The following CXCR2 variants were observed in gnomAD, a reference collection of about 807,000 sequenced individuals.
The protein encoded by CXCR2 is C-X-C motif chemokine receptor 2.
Under a neutral mutation model 3.7 loss-of-function variants are expected in CXCR2, and 2 were observed. That is an observed-to-expected ratio of 0.55 (90% CI 0.22 to 1.72). The LOEUF (loss-of-function observed/expected upper bound fraction) is 1.72, where lower values mean the gene tolerates loss of function less well. Ranked by LOEUF, CXCR2 falls within the 40% of genes most tolerant of loss-of-function variation. CXCR2 has a pLI of 0.19. For synonymous variants in CXCR2, 203 were observed against 193.3 expected, an observed-to-expected ratio of 1.05 and a Z score of -0.41; for missense variants, 351 against 450.1, an observed-to-expected ratio of 0.78 and a Z score of 1.99.
chr2:218,126,625 C>T (rs563740271), intron 1 of CXCR2, among the ~76,000 whole-genome samples: 2 of 152,264 alleles, frequency 1.3e-5, no homozygotes, highest in African/African-American at 4.8e-5. Flanking sequence ...CTGCGGATCT[C>T]AATTTTTATT....
intron 2 of CXCR2, among the ~76,000 whole-genome samples, chr2:218,134,357 T>C (rs983132798): frequency 1.3e-5 from 2 of 151,316 alleles, no homozygotes; most frequent in Admixed American, 1.3e-4. Context: ...ACATAACAAG[T>C]CCCCATCTCT....
In CXCR2 at chr2:218,135,210, C is replaced by T. The variant is rs369839517; in HGVS notation, c.409C>T (p.Leu137=). The change falls in exon 3 of 3, where the codon CTG becomes TTG. Residue 137 remains leucine (L), a synonymous_variant. Coordinates refer to ENST00000318507, the MANE Select transcript of CXCR2 (RefSeq NM_001557.4). This position sits in a 1 kb window ranked among gnomAD's most constrained non-coding sequence, Gnocchi z 4.0. The part of the protein sequence containing the change: ...EVNFYSGILL[L]ACISVDRYLA... ...CAACTTCTATAGTGGCATCCTGCTACTGGCCTGCATCAGTGTGGACCGTTA... is the reference window on the plus strand; with the variant it reads ...CAACTTCTATAGTGGCATCCTGCTATTGGCCTGCATCAGTGTGGACCGTTA... 9 of 1,614,238 alleles carry T rather than the reference C, an allele frequency of 5.6e-6. No individual in the cohort carries two copies. Among genetic ancestry groups the T allele is most frequent in the Non-Finnish European group, 5.1e-6 (6 of 1,180,044 alleles).
At position 218,136,045 on chromosome 2, in the gene CXCR2, A is replaced by T. The variant is rs1690795949; in HGVS notation, c.*161A>T. ...CCACGTTCTTACTAGTTTCCCTTGC[A>T]TGGTTTAGAAAGCTTGCCCTGGTGC... On this transcript the variant is annotated 3_prime_UTR_variant, in exon 3 of 3. Transcript: ENST00000318507. 6.2e-6 allele frequency: 6 copies of T among 971,756 alleles called. No individual in the cohort carries two copies. In the South Asian group the frequency reaches 1.0e-4, roughly 17 times the overall value. The allele number at this position is 971,756 out of a possible 1,614,324, so 60.2% of individuals were successfully genotyped here.
In CXCR2 at chr2:218,137,015, A is replaced by C. The variant is rs1690825855; in HGVS notation, c.*1131A>C. On this transcript the variant is annotated 3_prime_UTR_variant, in exon 3 of 3. Coordinates refer to ENST00000318507, the MANE Select transcript of CXCR2 (RefSeq NM_001557.4). ...TGAAAAAGTTCTGCAGATAAACAGT[A>C]GTGATAGTTGTACCGCAATGTGACT... The C allele has an allele frequency of 6.0e-6, 1 of 167,118 alleles. No homozygotes were observed. 10.4% of individuals were successfully genotyped at this position (167,118 alleles called of 1,614,324 possible).
chr2:218,134,261 A>G (rs1199794985), intron 2 of CXCR2, among the ~76,000 whole-genome samples: 1 of 152,196 alleles, frequency 6.6e-6, no homozygotes, highest in Non-Finnish European at 1.5e-5. Flanking sequence ...GGCTGAGTGC[A>G]GTGGCTCATG....
rs1168902302 is a variant in CXCR2, at chr2:218,135,721, G to A, written c.920G>A (p.Ser307Asn). The part of the protein sequence containing the change: ...DATEILGILH[S>N]CLNPLIYAFI... ...ACCGAGATTCTGGGCATCCTTCACA[G>A]CTGCCTCAACCCCCTCATCTACGCC... Residue 307 changes from serine to asparagine, a missense_variant, in exon 3 of 3, where the codon AGC becomes AAC. Physicochemically the swap from Ser to Asn is conservative, Grantham distance 46 (BLOSUM62 1). Transcript: ENST00000318507. This position sits in a 1 kb window ranked among gnomAD's most constrained non-coding sequence, Gnocchi z 4.0. 4 of 1,613,930 alleles carry A rather than the reference G, an allele frequency of 2.5e-6. No homozygotes were observed. Among genetic ancestry groups the A allele is most frequent in the Middle Eastern group, 1.6e-4 (1 of 6,062 alleles).
rs1242376545 is a variant in CXCR2 at position 218,132,130 on chromosome 2, G to A, written c.-25-2647G>A. On this transcript the variant is annotated intron_variant, in intron 2 of 2. Coordinates refer to ENST00000318507, the MANE Select transcript of CXCR2 (RefSeq NM_001557.4). ...AATCTTTTTTTTAATTAAGACATAA[G>A]TCACATACCCCAAAAGTCACCCATT... 5.3e-5 allele frequency among the ~76,000 whole-genome samples: 8 copies of A among 151,844 alleles called. No individual in the cohort carries two copies. The East Asian group carries it at 1.5e-3, about 29-fold the overall frequency.
intron 2 of CXCR2, among the ~76,000 whole-genome samples, chr2:218,134,565 A>G (rs1690732346): frequency 1.3e-5 from 2 of 152,234 alleles, no homozygotes; most frequent in African/African-American, 4.8e-5. Flanking sequence ...TTTCTCTCTT[A>G]TATTAAAGAG....
chr2:218,126,653 A>AT (rs1690516726), intron 1 of CXCR2, among the ~76,000 whole-genome samples: 1 of 151,634 alleles, frequency 6.6e-6, no homozygotes, highest in Non-Finnish European at 1.5e-5. Flanking sequence ...ATTTTATTTT[A>AT]TTTTTTCTTT....
At chr2:218,126,639 T>TTTTAA (rs1395787776) in intron 1 of CXCR2, among the ~76,000 whole-genome samples, 4 of 152,086 alleles carry the variant, frequency 2.6e-5, no homozygotes, top group African/African-American at 9.7e-5. Context: ...TTTTATTTCA[T>TTTTAA]TTTATTTTAT....
Position 218,136,032 on chromosome 2 carries a change from T to A in CXCR2, c.*148T>A. 2 of 1,047,826 alleles carry A rather than the reference T, an allele frequency of 1.9e-6. No homozygotes were observed. The highest frequency in any genetic ancestry group is 2.8e-6 in the Non-Finnish European group (2 of 715,180). The allele number at this position is 1,047,826 out of a possible 1,614,324, so 64.9% of individuals were successfully genotyped here. ...GAAGTAGAGGAGGCCACGTTCTTAC[T>A]AGTTTCCCTTGCATGGTTTAGAAAG... On this transcript the variant is annotated 3_prime_UTR_variant, in exon 3 of 3. Coordinates refer to ENST00000318507, the MANE Select transcript of CXCR2 (RefSeq NM_001557.4).
Position 218,136,463 on chromosome 2 carries a change from C to T in CXCR2, c.*579C>T, listed in dbSNP as rs551809209. The T allele has an allele frequency of 6.0e-6, 1 of 167,648 alleles. No homozygotes were observed. The highest frequency in any genetic ancestry group is 2.1e-4 in the South Asian group (1 of 4,846). The allele number at this position is 167,648 out of a possible 1,614,324, so 10.4% of individuals were successfully genotyped here. A position where few individuals can be genotyped will look rare whatever the true frequency, so the allele number is the denominator to read the frequency against. On this transcript the variant is annotated 3_prime_UTR_variant, in exon 3 of 3. Transcript: ENST00000318507. The stretch of plus-strand genomic sequence containing the variant: ...TGAAGATGTAGAGGAGAAACTGGAA[C>T]TCTCGAGCGTTGCTGGGGGGGATTG...
intron 2 of CXCR2, among the ~76,000 whole-genome samples, chr2:218,130,545 G>A (rs1473474524): frequency 6.6e-6 from 1 of 152,210 alleles, no homozygotes; most frequent in Non-Finnish European, 1.5e-5. Flanking sequence ...ATACCTCACT[G>A]GAACAGTGGT....
rs1559454365 is a variant in CXCR2, at chr2:218,135,725, C to T, written c.924C>T (p.Cys308=). 6.2e-7 allele frequency: 1 copy of T among 1,614,098 alleles called. No individual in the cohort carries two copies. Among genetic ancestry groups the T allele is most frequent in the Non-Finnish European group, 8.5e-7 (1 of 1,180,016 alleles). ...AGATTCTGGGCATCCTTCACAGCTG[C>T]CTCAACCCCCTCATCTACGCCTTCA... ...ATEILGILHS[C]LNPLIYAFIG... Residue 308 remains cysteine (C), a synonymous_variant, in exon 3 of 3, where the codon TGC becomes TGT. Coordinates refer to ENST00000318507, the MANE Select transcript of CXCR2 (RefSeq NM_001557.4). The surrounding 1 kb of genome is among the most constrained non-coding windows in gnomAD (Gnocchi z 4.0).
chr2:218,134,884 C>T lies in CXCR2; in HGVS notation c.83C>T (p.Thr28Ile), dbSNP rs1307796960. 4 of 1,614,120 alleles carry T rather than the reference C, an allele frequency of 2.5e-6. No homozygotes were observed. Among genetic ancestry groups the T allele is most frequent in the Admixed American group, 3.3e-5 (2 of 60,020 alleles). Residue 28 changes from threonine (T) to isoleucine (I), a missense_variant, in exon 3 of 3, where the codon ACC becomes ATC. Coordinates refer to ENST00000318507, the MANE Select transcript of CXCR2 (RefSeq NM_001557.4). ...EDLSNYSYSS[T>I]LPPFLLDAAP... ...CTTAGTAATTACAGTTACAGCTCTA[C>T]CCTGCCCCCTTTTCTACTAGATGCC...
At chr2:218,127,888 TAA>T (rs1327922616) in intron 1 of CXCR2, among the ~76,000 whole-genome samples, 16 of 152,268 alleles carry the variant, frequency 1.1e-4, no homozygotes, top group African/African-American at 3.6e-4. Flanking sequence ...CAGGTCAAAG[TAA>T]ATTAGATGTC....
rs1382870046 is a variant in CXCR2 at position 218,137,034 on chromosome 2, T to C, written c.*1150T>C. On this transcript the variant is annotated 3_prime_UTR_variant, in exon 3 of 3. Transcript: ENST00000318507. ...AACAGTAGTGATAGTTGTACCGCAA[T>C]GTGACTTAATGCCACTAAATTGACA... 1 of 166,684 alleles carries C rather than the reference T, an allele frequency of 6.0e-6. No homozygotes were observed. The highest frequency in any genetic ancestry group is 2.4e-5 in the African/African-American group (1 of 41,072). The allele number at this position is 166,684 out of a possible 1,614,324, so 10.3% of individuals were successfully genotyped here. A position where few individuals can be genotyped will look rare whatever the true frequency, so the allele number is the denominator to read the frequency against.
intron 1 of CXCR2, among the ~76,000 whole-genome samples, chr2:218,127,878 C>T (rs774212064): frequency 2.6e-5 from 4 of 152,146 alleles, no homozygotes; most frequent in Admixed American, 6.5e-5. Context: ...AATTAATATC[C>T]AGGTCAAAGT....
chr2:218,133,773 C>A (rs1270767715), intron 2 of CXCR2, among the ~76,000 whole-genome samples: 1 of 152,208 alleles, frequency 6.6e-6, no homozygotes, highest in Non-Finnish European at 1.5e-5. Flanking sequence ...TCCAGCAGGG[C>A]TGGAAAGCCA....
Sources: gnomAD v4.1 joint callset for allele counts (sites outside exome capture counted in the v4.1 genomes callset) on GRCh38, gnomAD v4.1.1 for gene constraint, Gnocchi (gnomAD v3.1) non-coding constraint, MANE v1.5 for transcripts, NCBI Gene and HGNC (gene_info 2026-07-23, HGNC 2026-07-21) for gene names.